FIP1L1: variants seen among roughly 807,000 people sequenced by gnomAD.
FIP1L1 encodes factor interacting with PAPOLA and CPSF1, also known as pre-mRNA 3'-end-processing factor FIP1.
FIP1L1 carries 21 observed loss-of-function variants against 84.6 expected under a neutral mutation model. The observed-to-expected ratio is 0.25, with a 90% CI of 0.18 to 0.36. FIP1L1 has a LOEUF of 0.36. Ranked by LOEUF, FIP1L1 falls within the 10% of genes least tolerant of loss-of-function variation. The probability of loss-of-function intolerance (pLI) is 1.00; values close to 1 mark genes in which losing one functional copy is unlikely to be tolerated. For synonymous variants in FIP1L1, 263 were observed against 242.3 expected (o/e 1.09, Z -0.80); for missense variants, 526 against 751.1 (o/e 0.70, Z 3.50).
At chr4:53,427,719 A>G (rs1222069997) in intron 12 of FIP1L1, among the ~76,000 whole-genome samples, 1 of 152,178 alleles carries the variant, frequency 6.6e-6, no homozygotes, top group Non-Finnish European at 1.5e-5. Context: ...ATCTTTATGA[A>G]GTACTTTTTT....
chr4:53,389,839 C>T lies in FIP1L1; in HGVS notation c.363C>T (p.Asn121=). 6.2e-7 allele frequency: 1 copy of T among 1,600,902 alleles called. No homozygotes were observed. Among genetic ancestry groups the T allele is most frequent in the Non-Finnish European group, 8.5e-7 (1 of 1,175,652 alleles). ...ATGGTACAGCACCTGTAAATCTTAACATCAAGACAGGGGGAAGAGTTTATG... is the reference window on the plus strand; with the variant it reads ...ATGGTACAGCACCTGTAAATCTTAATATCAAGACAGGGGGAAGAGTTTATG... ...GSYGTAPVNL[N]IKTGGRVYGT... Residue 121 remains asparagine (N), a synonymous_variant, in exon 6 of 18, where the codon AAC becomes AAT. Coordinates refer to ENST00000337488, the MANE Select transcript of FIP1L1 (RefSeq NM_030917.4).
intron 1 of FIP1L1, chr4:53,378,471 A>C (rs1293931996): frequency 6.6e-6 from 1 of 151,914 alleles, no homozygotes; most frequent in Non-Finnish European, 1.5e-5. Flanking sequence ...TAATTAATTA[A>C]GAGAGAGAGA....
chr4:53,420,755 G>T (rs1284061883), intron 11 of FIP1L1, among the ~76,000 whole-genome samples: 1 of 152,108 alleles, frequency 6.6e-6, no homozygotes, highest in Admixed American at 6.5e-5. Flanking sequence ...CAGTCATGTT[G>T]CCCGGGCTGA....
chr4:53,445,377 T>C (rs1285750442), intron 15 of FIP1L1, among the ~76,000 whole-genome samples: 1 of 152,152 alleles, frequency 6.6e-6, no homozygotes, highest in African/African-American at 2.4e-5. Context: ...ATTTTCTCCC[T>C]ACTCTTCCTA....
At chr4:53,434,282 T>A (rs1169203591) in intron 13 of FIP1L1, among the ~76,000 whole-genome samples, 6 of 152,274 alleles carry the variant, frequency 3.9e-5, no homozygotes, top group African/African-American at 1.4e-4. Context: ...AGAATAATTT[T>A]AAAAATTTAG....
chr4:53,449,060 T>C (rs1775364645), intron 15 of FIP1L1, among the ~76,000 whole-genome samples: 1 of 152,130 alleles, frequency 6.6e-6, no homozygotes, highest in African/African-American at 2.4e-5. Flanking sequence ...ATAATGACAG[T>C]TTTGCTCCTT....
chr4:53,448,878 G>GGT (rs1273729612), intron 15 of FIP1L1, among the ~76,000 whole-genome samples: 1 of 152,022 alleles, frequency 6.6e-6, no homozygotes, highest in Non-Finnish European at 1.5e-5. Flanking sequence ...TTAGTCCTTA[G>GGT]GTACCTAATG....
chr4:53,435,158 T>G (rs1197956954), intron 13 of FIP1L1, among the ~76,000 whole-genome samples: 1 of 152,162 alleles, frequency 6.6e-6, no homozygotes, highest in African/African-American at 2.4e-5. Context: ...CCTATCAGTG[T>G]TTTCATTAAA....
intron 13 of FIP1L1, among the ~76,000 whole-genome samples, chr4:53,433,305 CCCTGTAA>C (rs2150092359): frequency 6.6e-6 from 1 of 152,286 alleles, no homozygotes; most frequent in South Asian, 2.1e-4. Context: ...TAAGGATAGC[CCCTGTAA>C]CCTCTATTCT....
intron 13 of FIP1L1, chr4:53,440,468 G>A (rs898784708): frequency 6.4e-6 from 4 of 626,460 alleles, no homozygotes; most frequent in African/African-American, 5.7e-5. Context: ...GAGTGAATAA[G>A]CCAGGATAAT....
chr4:53,429,346 C>T (rs944683024), intron 13 of FIP1L1, among the ~76,000 whole-genome samples: 4 of 152,110 alleles, frequency 2.6e-5, no homozygotes, highest in African/African-American at 9.7e-5. Context: ...ATTTCTAGTT[C>T]CAACAAATAG....
Position 53,460,791 on chromosome 4 carries a change from T to G in FIP1L1, c.*1342T>G. The G allele has an allele frequency of 1.9e-6, 2 of 1,080,284 alleles. No homozygotes were observed. Among genetic ancestry groups the G allele is most frequent in the Admixed American group, 5.5e-5 (2 of 36,644 alleles). 66.9% of individuals were successfully genotyped at this position (1,080,284 alleles called of 1,614,324 possible). A position where few individuals can be genotyped will look rare whatever the true frequency, so the allele number is the denominator to read the frequency against. ...TTTCATTAGATGATCATACTTTTCC[T>G]GACATTTTTACAATGTATTCTTTCT... On this transcript the variant is annotated 3_prime_UTR_variant, in exon 18 of 18. Coordinates refer to ENST00000337488, the MANE Select transcript of FIP1L1 (RefSeq NM_030917.4).
chr4:53,445,321 G>A (rs1358455945), intron 15 of FIP1L1, among the ~76,000 whole-genome samples: 3 of 152,120 alleles, frequency 2.0e-5, no homozygotes, highest in Admixed American at 2.0e-4. Context: ...TTCTTGGATT[G>A]GAACAGCAAT....
In FIP1L1 at chr4:53,377,948, C is replaced by A. The variant is rs1326013035; in HGVS notation, c.85+25C>A. On this transcript the variant is annotated intron_variant, in intron 1 of 17. Coordinates refer to ENST00000337488, the MANE Select transcript of FIP1L1 (RefSeq NM_030917.4). ...GGTACGAAACTTCCTGTCTCTGTCT[C>A]TCGGGTTCTCTCAGGCCTCCCCTCT... 6 of 1,545,218 alleles carry A rather than the reference C, an allele frequency of 3.9e-6. No homozygotes were observed. In the South Asian group the frequency reaches 4.9e-5, roughly 13 times the overall value.
chr4:53,459,256 G>A (rs1721182390), intron 17 of FIP1L1, 46 bp from the exon 18 acceptor site: 1 of 1,343,070 alleles, frequency 7.4e-7, no homozygotes, highest in African/African-American at 1.6e-5. Context: ...GTCACTGATT[G>A]TGTATTTAAA....
intron 9 of FIP1L1, among the ~76,000 whole-genome samples, chr4:53,398,248 T>G (rs1748444876): frequency 6.6e-6 from 1 of 152,222 alleles, no homozygotes. Context: ...CATTTCTTTC[T>G]GTTCCCATTG....
intron 11 of FIP1L1, among the ~76,000 whole-genome samples, chr4:53,422,511 G>A (rs1762785441): frequency 6.6e-6 from 1 of 151,818 alleles, no homozygotes; most frequent in Admixed American, 6.6e-5. Flanking sequence ...TTATCATGAA[G>A]ACTAAATATA....
Position 53,413,101 on chromosome 4 carries a change from T to A in FIP1L1, c.816-1514T>A, listed in dbSNP as rs1757910870. 3.3e-5 allele frequency among the ~76,000 whole-genome samples: 5 copies of A among 152,230 alleles called. No homozygotes were observed. The South Asian group carries it at 1.0e-3, about 32-fold the overall frequency. On this transcript the variant is annotated intron_variant, in intron 10 of 17. Transcript: ENST00000337488. ...ATATATACTGTAATTCATTTTGATGTGAACATCAGATTGTTCCTCTTCAAA... is the reference window on the plus strand; with the variant it reads ...ATATATACTGTAATTCATTTTGATGAGAACATCAGATTGTTCCTCTTCAAA...
chr4:53,383,555 T>G (rs1739226754), intron 4 of FIP1L1, among the ~76,000 whole-genome samples: 1 of 151,860 alleles, frequency 6.6e-6, no homozygotes, highest in Non-Finnish European at 1.5e-5. Context: ...CTAGCTACTC[T>G]AGAGGCTGAG....
Sources: gnomAD v4.1 joint callset for allele counts (sites outside exome capture counted in the v4.1 genomes callset) on GRCh38, gnomAD v4.1.1 for gene constraint, MANE v1.5 for transcripts, NCBI Gene and HGNC (gene_info 2026-07-23, HGNC 2026-07-21) for gene names.